PIK3CB: variants seen among roughly 807,000 people sequenced by gnomAD.
The protein encoded by PIK3CB is phosphatidylinositol 4,5-bisphosphate 3-kinase catalytic subunit beta isoform.
PIK3CB carries 39 observed loss-of-function variants against 136.8 expected under a neutral mutation model. The ratio of observed to expected loss-of-function variants is 0.29; its 90% CI spans 0.22 to 0.37. The LOEUF is 0.37. Ranked by LOEUF, PIK3CB falls within the 10% of genes least tolerant of loss-of-function variation. PIK3CB has a pLI of 1.00. For synonymous variants in PIK3CB, 428 were observed against 436.6 expected, an observed-to-expected ratio of 0.98 and a Z score of 0.25; for missense variants, 868 against 1,275.4, an observed-to-expected ratio of 0.68 and a Z score of 4.87.
chr3:138,702,649 T>A (rs550995340), intron 12 of PIK3CB, among the ~76,000 whole-genome samples: 2 of 152,350 alleles, frequency 1.3e-5, no homozygotes, highest in African/African-American at 2.4e-5. Context: ...TCTGTTTCAG[T>A]AATTGCCTAA....
intron 2 of PIK3CB, among the ~76,000 whole-genome samples, chr3:138,772,588 G>C (rs1450616730): frequency 6.6e-6 from 1 of 150,780 alleles, no homozygotes; most frequent in African/African-American, 2.4e-5. Flanking sequence ...CTCCTGAGTA[G>C]CTAGGACTGT....
intron 2 of PIK3CB, among the ~76,000 whole-genome samples, chr3:138,769,572 T>C (rs377106752): frequency 5.9e-5 from 9 of 152,094 alleles, no homozygotes; most frequent in African/African-American, 2.2e-4. Context: ...TTAAGAAAAT[T>C]ATTGAGGGAG....
chr3:138,805,767 G>A (rs1380291853), intron 1 of PIK3CB, among the ~76,000 whole-genome samples: 2 of 151,546 alleles, frequency 1.3e-5, no homozygotes, highest in Non-Finnish European at 2.9e-5. Flanking sequence ...GTCTCGCTCT[G>A]TCACCAGGCT....
At chr3:138,817,182 C>T (rs998094206) in intron 1 of PIK3CB, among the ~76,000 whole-genome samples, 1 of 151,912 alleles carries the variant, frequency 6.6e-6, no homozygotes, top group Non-Finnish European at 1.5e-5. Flanking sequence ...ACTAAAAATA[C>T]AAAAAATTAG....
chr3:138,793,710 A>AGT (rs1438118829), intron 2 of PIK3CB, among the ~76,000 whole-genome samples: 1 of 151,606 alleles, frequency 6.6e-6, no homozygotes, highest in African/African-American at 2.4e-5. Context: ...TGAGGACCAT[A>AGT]GTGTCATGAG....
At chr3:138,826,230 A>C in intron 1 of PIK3CB, 1 of 1,510,330 alleles carries the variant, frequency 6.6e-7, no homozygotes, top group East Asian at 2.2e-5. Flanking sequence ...TCGTGATATG[A>C]AACAGAGTTG....
chr3:138,665,310 T>C, intron 19 of PIK3CB, 107 bp from the exon 20 acceptor site: 1 of 693,698 alleles, frequency 1.4e-6, no homozygotes, highest in Non-Finnish European at 2.2e-6. Flanking sequence ...ATTATTGATA[T>C]ACTTGCCATT....
chr3:138,748,310 A>T (rs1352176403), intron 4 of PIK3CB, among the ~76,000 whole-genome samples: 2 of 152,064 alleles, frequency 1.3e-5, no homozygotes, highest in Non-Finnish European at 2.9e-5. Context: ...CCTTGCTTCT[A>T]ATTAGCCCAC....
intron 2 of PIK3CB, among the ~76,000 whole-genome samples, chr3:138,783,618 A>G (rs547015887): frequency 3.0e-4 from 46 of 152,202 alleles, no homozygotes; most frequent in African/African-American, 1.0e-3. Flanking sequence ...GTAAGACAGG[A>G]AATTAGCTAG....
intron 8 of PIK3CB, among the ~76,000 whole-genome samples, chr3:138,715,757 G>A (rs1331318899): frequency 4.0e-5 from 6 of 151,336 alleles, no homozygotes; most frequent in Non-Finnish European, 8.8e-5. Flanking sequence ...ATAATTATGA[G>A]TTTAAAACCT....
intron 1 of PIK3CB, among the ~76,000 whole-genome samples, chr3:138,798,475 T>G (rs958430940): frequency 1.3e-5 from 2 of 152,192 alleles, no homozygotes; most frequent in African/African-American, 4.8e-5. Context: ...GAATCTGTAT[T>G]TTTATTGTCT....
At chr3:138,832,323 AG>A (rs1934071561) in intron 1 of PIK3CB, among the ~76,000 whole-genome samples, 1 of 152,180 alleles carries the variant, frequency 6.6e-6, no homozygotes, top group Non-Finnish European at 1.5e-5. Context: ...GGTGTGAATC[AG>A]GGGTGTAAAT....
intron 2 of PIK3CB, among the ~76,000 whole-genome samples, chr3:138,784,390 A>G (rs913331492): frequency 2.0e-5 from 3 of 152,012 alleles, no homozygotes; most frequent in Non-Finnish European, 2.9e-5. Context: ...TCAAAAAACA[A>G]AAAAAGGCTC....
At chr3:138,782,386 G>T (rs969913132) in intron 2 of PIK3CB, among the ~76,000 whole-genome samples, 1 of 152,190 alleles carries the variant, frequency 6.6e-6, no homozygotes, top group African/African-American at 2.4e-5. Context: ...GAAACACTTT[G>T]CTTGTGCCTT....
chr3:138,705,174 C>CAAAAAAAAAAAAAAAAAAAAAAA (rs1159172292), intron 11 of PIK3CB, among the ~76,000 whole-genome samples: 2 of 57,062 alleles, frequency 3.5e-5, no homozygotes, highest in Non-Finnish European at 3.0e-5. Flanking sequence ...AAAAAAAAAA[C>CAAAAAAAAAAAAAAAAAAAAAAA]AAAAAACAAA....
At chr3:138,828,243 T>C (rs1253254832) in intron 1 of PIK3CB, among the ~76,000 whole-genome samples, 1 of 145,514 alleles carries the variant, frequency 6.9e-6, no homozygotes, top group Admixed American at 7.2e-5. Context: ...TGGAGTGCAA[T>C]GGCGCGATCT....
intron 16 of PIK3CB, 69 bp downstream of exon 16, chr3:138,688,806 G>T: frequency 1.1e-6 from 1 of 885,294 alleles, no homozygotes; most frequent in Non-Finnish European, 1.8e-6. Context: ...ATTAAAACAA[G>T]CTGATATTCA....
chr3:138,652,733 A>G lies in PIK3CB; in HGVS notation c.*2656T>C, dbSNP rs2043141154. 1 of 216,500 alleles carries G rather than the reference A, an allele frequency of 4.6e-6. No homozygotes were observed. Among genetic ancestry groups the G allele is most frequent in the Admixed American group, 5.8e-5 (1 of 17,180 alleles). 13.4% of individuals were successfully genotyped at this position (216,500 alleles called of 1,614,324 possible). A position where few individuals can be genotyped will look rare whatever the true frequency, so the allele number is the denominator to read the frequency against. Reference sequence around the variant, plus strand: ...CGATAATTTAATTATAGATCTTAAAATAACTAAAAGAGTATAACTGGATTG... The same window carrying G: ...CGATAATTTAATTATAGATCTTAAAGTAACTAAAAGAGTATAACTGGATTG... On this transcript the variant is annotated 3_prime_UTR_variant, in exon 24 of 24. Coordinates refer to ENST00000674063, the MANE Select transcript of PIK3CB (RefSeq NM_006219.3).
intron 1 of PIK3CB, among the ~76,000 whole-genome samples, chr3:138,831,577 C>A (rs943278683): frequency 6.0e-5 from 9 of 151,158 alleles, no homozygotes; most frequent in Non-Finnish European, 8.8e-5. Context: ...AAGGGCAAAA[C>A]TCAGTCTCTA....
Sources: allele counts gnomAD v4.1 joint callset (sites outside exome capture counted in the v4.1 genomes callset), GRCh38; gene constraint gnomAD v4.1.1; transcripts MANE v1.5; gene names NCBI Gene and HGNC (gene_info 2026-07-23, HGNC 2026-07-21).